Variants in SLC16A1 observed in about 807,000 individuals in gnomAD.
SLC16A1 encodes monocarboxylate transporter 1.
A neutral mutation model predicts 32.2 loss-of-function variants in SLC16A1; 11 were observed. That is an observed-to-expected ratio of 0.34 (90% CI 0.21 to 0.56). SLC16A1 has a LOEUF of 0.56. Among genes scored for constraint, SLC16A1 ranks in the 20% least tolerant of loss-of-function variants. The pLI is 0.87. For missense variants in SLC16A1, 435 were observed against 615.0 expected (o/e 0.71, Z 3.10); for synonymous variants, 231 against 226.8 (o/e 1.02, Z -0.17).
At chr1:112,929,800 T>C (rs903992334) in intron 1 of SLC16A1, among the ~76,000 whole-genome samples, 10 of 152,180 alleles carry the variant, frequency 6.6e-5, no homozygotes, top group African/African-American at 1.7e-4. Flanking sequence ...GGAGCTGTGA[T>C]TGCACCACTG....
rs968263553 is a variant in SLC16A1 at position 112,917,011 on chromosome 1, A to G, written c.1228+167T>C. 2.4e-6 allele frequency: 2 copies of G among 842,458 alleles called. No individual in the cohort carries two copies. The highest frequency in any genetic ancestry group is 3.9e-6 in the Non-Finnish European group (2 of 517,722). The allele number at this position is 842,458 out of a possible 1,614,324, so 52.2% of individuals were successfully genotyped here. A position where few individuals can be genotyped will look rare whatever the true frequency, so the allele number is the denominator to read the frequency against. On this transcript the variant is annotated intron_variant, in intron 4 of 4. Transcript: ENST00000369626. The surrounding 1 kb of genome is among the most constrained non-coding windows in gnomAD (Gnocchi z 4.1). The stretch of plus-strand genomic sequence containing the variant: ...ATGGTTCCATTTAATTAGATTCTAT[A>G]TTTGAGCAATTATGCTGTGCCAAGC...
At chr1:112,924,744 T>C (rs1024401239) in intron 2 of SLC16A1, among the ~76,000 whole-genome samples, 1 of 152,008 alleles carries the variant, frequency 6.6e-6, no homozygotes, top group African/African-American at 2.4e-5. Flanking sequence ...AGGGGCCAGG[T>C]ATGGTGGTGG....
chr1:112,934,638 AG>A (rs1649237721), intron 1 of SLC16A1, among the ~76,000 whole-genome samples: 1 of 152,228 alleles, frequency 6.6e-6, no homozygotes, highest in Non-Finnish European at 1.5e-5. Flanking sequence ...AGGAGAGGGC[AG>A]GCAAACTTCT....
intron 1 of SLC16A1, among the ~76,000 whole-genome samples, chr1:112,954,301 A>T (rs1288446682): frequency 6.6e-6 from 1 of 152,246 alleles, no homozygotes; most frequent in South Asian, 2.1e-4. Context: ...CCAAATTTAC[A>T]ATCTAAAGAA....
rs537636186 is a variant in SLC16A1, at chr1:112,954,176, C to G, written c.-45+1859G>C. On this transcript the variant is annotated intron_variant, in intron 1 of 4. Transcript: ENST00000369626. ...AACAAGACAGCTATGTAGGCATTTA[C>G]GCAGAGATCTTAATCTTGCATAGGA... Among the ~76,000 whole-genome samples, 4 of 152,276 alleles carry G rather than the reference C, an allele frequency of 2.6e-5. No individual in the cohort carries two copies. The East Asian group carries it at 5.8e-4, about 22-fold the overall frequency.
intron 1 of SLC16A1, among the ~76,000 whole-genome samples, chr1:112,941,656 T>G (rs1193276281): frequency 6.6e-5 from 10 of 152,162 alleles, no homozygotes; most frequent in Admixed American, 2.6e-4. Context: ...TTGTCCAAAG[T>G]TTTTCCTAAC....
chr1:112,936,844 A>ATATAT (rs1405870724), intron 1 of SLC16A1, among the ~76,000 whole-genome samples: 1 of 152,220 alleles, frequency 6.6e-6, no homozygotes, highest in Admixed American at 6.5e-5. Flanking sequence ...TCCTTCAAAA[A>ATATAT]TATAACCCAG....
intron 1 of SLC16A1, chr1:112,955,288 A>C (rs921698878): frequency 6.6e-6 from 1 of 152,308 alleles, no homozygotes; most frequent in African/African-American, 2.4e-5. Context: ...GGAACAAAAA[A>C]CTTGCATCGG....
In SLC16A1 at chr1:112,920,762, G is replaced by A. The variant is rs141208235; in HGVS notation, c.361+1228C>T. ...ATACAAGATGGAAACCATAAAATAC[G>A]TTTTGAATACATAAAAATTTATATG... is the stretch of plus-strand genomic sequence containing the variant. On this transcript the variant is annotated intron_variant, in intron 3 of 4. Transcript: ENST00000369626. Among the ~76,000 whole-genome samples, 1,263 of 152,044 alleles carry A rather than the reference G, an allele frequency of 8.3e-3. 20 individuals are homozygous for A. The highest frequency in any genetic ancestry group is 0.028 in the African/African-American group (1,170 of 41,446).
At chr1:112,925,231 G>A (rs1368384720) in intron 2 of SLC16A1, among the ~76,000 whole-genome samples, 1 of 152,106 alleles carries the variant, frequency 6.6e-6, no homozygotes, top group Non-Finnish European at 1.5e-5. Context: ...GTGCAGTAGC[G>A]CAATCACAGC....
chr1:112,924,412 TTAG>T (rs1648860508), intron 2 of SLC16A1: 1 of 1,029,840 alleles, frequency 9.7e-7, no homozygotes, highest in South Asian at 1.3e-5. Flanking sequence ...TTTCTTTAAT[TTAG>T]AAGTGCCTCA....
intron 2 of SLC16A1, 167 bp downstream of exon 2, chr1:112,928,925 C>T: frequency 3.2e-6 from 2 of 624,434 alleles, no homozygotes; most frequent in Non-Finnish European, 5.6e-6. Flanking sequence ...GCAAGAGTTG[C>T]TATTGTTATC....
At chr1:112,941,885 TGA>T (rs1001368874) in intron 1 of SLC16A1, among the ~76,000 whole-genome samples, 5 of 152,184 alleles carry the variant, frequency 3.3e-5, no homozygotes, top group African/African-American at 1.2e-4. Flanking sequence ...AGAAGGAGGT[TGA>T]GAGGAGGGTT....
In SLC16A1 at chr1:112,913,964, A is replaced by G. The variant is rs886045067; in HGVS notation, c.1430T>C (p.Val477Ala). ...GTCCGGAGATTCTGCTGCTTTGGTAACTTCATTTGGCTTCCCAGCAACATC... is the reference window on the plus strand; with the variant it reads ...GTCCGGAGATTCTGCTGCTTTGGTAGCTTCATTTGGCTTCCCAGCAACATC... ...SIDVAGKPNE[V>A]TKAAESPDQK... The change falls in exon 5 of 5, where the codon GTT (valine) becomes GCT (alanine). Residue 477 changes from valine to alanine, a missense_variant. Transcript: ENST00000369626. 6.2e-7 allele frequency: 1 copy of G among 1,613,884 alleles called. No individual in the cohort carries two copies. Among genetic ancestry groups the G allele is most frequent in the South Asian group, 1.1e-5 (1 of 91,068 alleles).
intron 2 of SLC16A1, chr1:112,923,351 A>G: frequency 3.8e-6 from 2 of 524,044 alleles, no homozygotes; most frequent in Non-Finnish European, 3.5e-6. Flanking sequence ...GCGGCCGCCA[A>G]CTCCAGGGAG....
chr1:112,922,836 GAC>G (rs1370597523), intron 2 of SLC16A1, among the ~76,000 whole-genome samples: 1 of 152,172 alleles, frequency 6.6e-6, no homozygotes, highest in African/African-American at 2.4e-5. Flanking sequence ...TTAAATTTCA[GAC>G]ACACGCAGTG....
At chr1:112,921,151 AAAAAAG>A (rs1392422602) in intron 3 of SLC16A1, among the ~76,000 whole-genome samples, 10 of 152,048 alleles carry the variant, frequency 6.6e-5, no homozygotes, top group African/African-American at 2.4e-4. Context: ...AAAAAAAAAA[AAAAAAG>A]AAAAGAAAAT....
chr1:112,928,262 T>C (rs1300478511), intron 2 of SLC16A1, among the ~76,000 whole-genome samples: 3 of 152,246 alleles, frequency 2.0e-5, no homozygotes, highest in Non-Finnish European at 4.4e-5. Context: ...TGATTTCAAC[T>C]GCTTATTCCT....
At chr1:112,954,867 C>T (rs753328252) in intron 1 of SLC16A1, among the ~76,000 whole-genome samples, 14 of 152,090 alleles carry the variant, frequency 9.2e-5, no homozygotes, top group Non-Finnish European at 1.6e-4. Flanking sequence ...AGTCGTGCCC[C>T]AGGGTGTAAG....
Sources: allele counts gnomAD v4.1 joint callset (sites outside exome capture counted in the v4.1 genomes callset), GRCh38; gene constraint gnomAD v4.1.1; non-coding constraint Gnocchi (gnomAD v3.1); transcripts MANE v1.5; gene names NCBI Gene and HGNC (gene_info 2026-07-23, HGNC 2026-07-21).